The following TBC1D22B variants were observed in gnomAD, a reference collection of about 807,000 sequenced individuals.
TBC1D22B encodes TBC1 domain family member 22B, also known as chromosome 6 open reading frame 197.
Under a neutral mutation model 69.1 loss-of-function variants are expected in TBC1D22B, and 32 were observed. The ratio of observed to expected loss-of-function variants is 0.46; its 90% CI spans 0.35 to 0.62. The LOEUF (loss-of-function observed/expected upper bound fraction) is 0.62. Among genes scored for constraint, TBC1D22B ranks in the 20% least tolerant of loss-of-function variants. TBC1D22B has a pLI of 0.00. For missense variants in TBC1D22B, 462 were observed against 630.9 expected, an observed-to-expected ratio of 0.73 and a Z score of 2.87; for synonymous variants, 206 against 229.8, an observed-to-expected ratio of 0.90 and a Z score of 0.94.
At chr6:37,326,959 A>G (rs1022722745) in intron 12 of TBC1D22B, among the ~76,000 whole-genome samples, 1 of 152,192 alleles carries the variant, frequency 6.6e-6, no homozygotes, top group African/African-American at 2.4e-5. Flanking sequence ...AAAGACTGAG[A>G]CCATTATAAA....
intron 12 of TBC1D22B, among the ~76,000 whole-genome samples, chr6:37,322,155 G>A (rs184837927): frequency 9.3e-4 from 141 of 152,338 alleles, no homozygotes; most frequent in Middle Eastern, 3.4e-3. Context: ...TGAGCCTGAA[G>A]AGGACTGTAT....
At chr6:37,288,373 T>G (rs959440842) in intron 7 of TBC1D22B, among the ~76,000 whole-genome samples, 7 of 152,214 alleles carry the variant, frequency 4.6e-5, no homozygotes, top group African/African-American at 1.7e-4. Context: ...CTTTTACCTG[T>G]GCATGCTTAC....
rs531009998 is a variant in TBC1D22B at position 37,314,154 on chromosome 6, C to T, written c.1165+263C>T. 1.2e-4 allele frequency among the ~76,000 whole-genome samples: 18 copies of T among 152,308 alleles called. No homozygotes were observed. In the East Asian group the frequency reaches 2.3e-3, roughly 20 times the overall value. On this transcript the variant is annotated intron_variant, in intron 10 of 12. Transcript: ENST00000373491. ...TCTCCTTCAGCAGCTCTCTTCAGTACGCCCGTTCCCCACTTCCCCAGCCAC... is the reference window on the plus strand; with the variant it reads ...TCTCCTTCAGCAGCTCTCTTCAGTATGCCCGTTCCCCACTTCCCCAGCCAC...
intron 2 of TBC1D22B, among the ~76,000 whole-genome samples, chr6:37,271,304 C>T (rs1766476360): frequency 6.6e-6 from 1 of 152,126 alleles, no homozygotes. Flanking sequence ...CAGAGCAAGA[C>T]TCTGTCTCAA....
At chr6:37,274,308 G>A (rs1055313959) in intron 2 of TBC1D22B, among the ~76,000 whole-genome samples, 1 of 152,116 alleles carries the variant, frequency 6.6e-6, no homozygotes, top group Non-Finnish European at 1.5e-5. Context: ...TAGAACATCC[G>A]TATTAGTAAG....
intron 1 of TBC1D22B, among the ~76,000 whole-genome samples, chr6:37,263,056 T>A (rs1562037058): frequency 6.6e-6 from 1 of 152,216 alleles, no homozygotes; most frequent in Non-Finnish European, 1.5e-5. Context: ...TAACCTCTGG[T>A]TTTTAGGTCT....
intron 12 of TBC1D22B, 149 bp downstream of exon 12, chr6:37,317,355 T>C (rs1428298042): frequency 2.7e-6 from 2 of 754,080 alleles, no homozygotes; most frequent in African/African-American, 1.7e-5. Context: ...GTCGTCCCTC[T>C]TAGTTGGCAG....
intron 8 of TBC1D22B, among the ~76,000 whole-genome samples, chr6:37,298,941 A>C (rs547265858): frequency 1.3e-5 from 2 of 152,234 alleles, no homozygotes; most frequent in Non-Finnish European, 2.9e-5. Context: ...TATTTCTCTG[A>C]AAGAGTCCTA....
rs954944105 is a variant in TBC1D22B, at chr6:37,307,659, T to A, written c.983-5259T>A. ...GTGAGCCACAGCGCCTGGCCTGTTA[T>A]CAGAAAATATTACGCAAGGTATTCT... On this transcript the variant is annotated intron_variant, in intron 8 of 12. Coordinates refer to ENST00000373491, the MANE Select transcript of TBC1D22B (RefSeq NM_017772.4). Among the ~76,000 whole-genome samples the A allele has an allele frequency of 2.0e-5, 3 of 152,184 alleles. No individual in the cohort carries two copies. The East Asian group carries it at 5.8e-4, about 29-fold the overall frequency.
intron 12 of TBC1D22B, 96 bp from the exon 13 acceptor site, chr6:37,330,948 A>G (rs1343636681): frequency 9.7e-6 from 13 of 1,343,890 alleles, no homozygotes; most frequent in Non-Finnish European, 1.3e-5. Context: ...GCCAGGAGGA[A>G]GGGGCCCCAT....
chr6:37,317,209 G>T lies in TBC1D22B; in HGVS notation c.1389+3G>T. On this transcript the variant is annotated splice_donor_region_variant and intron_variant, in intron 12 of 12. Coordinates refer to ENST00000373491, the MANE Select transcript of TBC1D22B (RefSeq NM_017772.4). ...TCTTGGATGAGGAGGATTTTCAGGT[G>T]AGTGGCCAAGAGCTTAGTGTGGGCA... 1 of 1,560,998 alleles carries T rather than the reference G, an allele frequency of 6.4e-7. No individual in the cohort carries two copies. Among genetic ancestry groups the T allele is most frequent in the South Asian group, 1.2e-5 (1 of 84,738 alleles).
intron 1 of TBC1D22B, 96 bp downstream of exon 1, chr6:37,258,069 G>GA (rs1765884589): frequency 7.1e-7 from 1 of 1,410,164 alleles, no homozygotes; most frequent in Non-Finnish European, 9.6e-7. Context: ...ACAGAGGCCA[G>GA]AAGACTGGTT....
intron 12 of TBC1D22B, among the ~76,000 whole-genome samples, chr6:37,327,344 G>A (rs1028651372): frequency 3.7e-5 from 5 of 135,266 alleles, no homozygotes; most frequent in Admixed American, 7.5e-5. Context: ...CGGGCGTGGT[G>A]GTGGGCGCCT....
intron 8 of TBC1D22B, among the ~76,000 whole-genome samples, chr6:37,294,478 C>T (rs1767292473): frequency 6.6e-6 from 1 of 152,092 alleles, no homozygotes; most frequent in South Asian, 2.1e-4. Flanking sequence ...GGCCAGCCTG[C>T]CATCTAGGAC....
intron 8 of TBC1D22B, among the ~76,000 whole-genome samples, chr6:37,310,950 A>C (rs1249622388): frequency 1.3e-5 from 2 of 152,222 alleles, no homozygotes; most frequent in African/African-American, 4.8e-5. Flanking sequence ...AAACCTTGAG[A>C]TGTTTTGTCT....
intron 1 of TBC1D22B, 68 bp downstream of exon 1, chr6:37,258,041 C>G: frequency 6.4e-7 from 1 of 1,556,072 alleles, no homozygotes; most frequent in Non-Finnish European, 8.7e-7. Context: ...TCCCTGAATC[C>G]CGCGGGCCTG....
chr6:37,262,218 A>G (rs1469366994), intron 1 of TBC1D22B, among the ~76,000 whole-genome samples: 2 of 151,474 alleles, frequency 1.3e-5, no homozygotes, highest in African/African-American at 2.4e-5. Context: ...TTTAGTAGAG[A>G]AGGGGGTTTC....
chr6:37,282,651 T>C (rs770077020), intron 4 of TBC1D22B, among the ~76,000 whole-genome samples: 1 of 152,190 alleles, frequency 6.6e-6, no homozygotes, highest in Non-Finnish European at 1.5e-5. Context: ...CCCACTGGTC[T>C]TTCCCTTCCC....
intron 10 of TBC1D22B, among the ~76,000 whole-genome samples, chr6:37,316,185 G>A (rs569485195): frequency 7.7e-4 from 118 of 152,362 alleles, no homozygotes; most frequent in Non-Finnish European, 1.3e-3. Flanking sequence ...ATATGGTGAA[G>A]CGCTTTCTGG....
Sources: gnomAD v4.1 joint callset for allele counts (sites outside exome capture counted in the v4.1 genomes callset) on GRCh38, gnomAD v4.1.1 for gene constraint, MANE v1.5 for transcripts, NCBI Gene and HGNC (gene_info 2026-07-23, HGNC 2026-07-21) for gene names.